PHLPP1: variants seen among roughly 807,000 people sequenced by gnomAD.
PHLPP1 encodes PH domain and leucine rich repeat protein phosphatase 1.
PHLPP1 carries 42 observed loss-of-function variants against 117.2 expected under a neutral mutation model. That is an observed-to-expected ratio of 0.36 (90% confidence interval 0.28 to 0.46). PHLPP1 has a LOEUF of 0.46. Ranked by LOEUF, PHLPP1 falls within the 20% of genes least tolerant of loss-of-function variation. The probability of loss-of-function intolerance (pLI) is 1.00; values close to 1 mark genes in which losing one functional copy is unlikely to be tolerated. For missense variants in PHLPP1, 2,084 were observed against 2,241.9 expected (o/e 0.93, Z 1.42); for synonymous variants, 1,042 against 970.7 (o/e 1.07, Z -1.37).
intron 1 of PHLPP1, among the ~76,000 whole-genome samples, chr18:62,775,827 C>T (rs1912936622): frequency 6.6e-6 from 1 of 152,208 alleles, no homozygotes; most frequent in Non-Finnish European, 1.5e-5. Flanking sequence ...GAAGTTTTCT[C>T]ATGCCACTTT....
At chr18:62,904,470 A>G (rs900333985) in intron 7 of PHLPP1, among the ~76,000 whole-genome samples, 1 of 152,238 alleles carries the variant, frequency 6.6e-6, no homozygotes, top group African/African-American at 2.4e-5. Context: ...CACTAATCCA[A>G]GTTATTGTGA....
chr18:62,834,583 T>TA (rs1914840959), intron 2 of PHLPP1, among the ~76,000 whole-genome samples: 1 of 152,216 alleles, frequency 6.6e-6, no homozygotes, highest in Non-Finnish European at 1.5e-5. Flanking sequence ...CGCAAGATGA[T>TA]ACCAAGTTGT....
At chr18:62,926,933 A>G (rs1171186535) in intron 10 of PHLPP1, among the ~76,000 whole-genome samples, 2 of 152,178 alleles carry the variant, frequency 1.3e-5, no homozygotes, top group African/African-American at 4.8e-5. Context: ...TTTTGTGTCA[A>G]GCGACGGCAG....
chr18:62,755,882 A>G (rs1912001092), intron 1 of PHLPP1, among the ~76,000 whole-genome samples: 2 of 152,096 alleles, frequency 1.3e-5, no homozygotes, highest in Admixed American at 6.5e-5. Flanking sequence ...TTCTGGGGGC[A>G]GTTCTCTTTT....
chr18:62,967,055 G>A (rs1369593417), intron 14 of PHLPP1, among the ~76,000 whole-genome samples: 4 of 152,058 alleles, frequency 2.6e-5, no homozygotes, highest in African/African-American at 7.2e-5. Context: ...TCAGTAGTTC[G>A]TTTCTTTTCA....
Position 62,979,072 on chromosome 18 carries a change from G to A in PHLPP1, c.4795G>A (p.Ala1599Thr), listed in dbSNP as rs748525863. ...CAGTGATGAGGGCATTGTCATCAGCGCCAACGAGGATGAGCCAGGTCTGCC... is the reference window on the plus strand; with the variant it reads ...CAGTGATGAGGGCATTGTCATCAGCACCAACGAGGATGAGCCAGGTCTGCC... ...EASDEGIVIS[A>T]NEDEPGLPRK... Residue 1599 changes from alanine (A) to threonine (T), a missense_variant, in exon 17 of 17, where the codon GCC (alanine) becomes ACC (threonine). Ala to Thr is a moderately conservative substitution (Grantham distance 58). This residue lies in a region of PHLPP1 where 1,365 missense variants were observed against 1,605.9 expected (regional missense o/e 0.85). Coordinates refer to ENST00000262719, the MANE Select transcript of PHLPP1 (RefSeq NM_194449.4). 45 of 1,613,712 alleles carry A rather than the reference G, an allele frequency of 2.8e-5. No individual in the cohort carries two copies. The highest frequency in any genetic ancestry group is 3.5e-5 in the Non-Finnish European group (41 of 1,179,840).
In PHLPP1 at chr18:62,972,559, C is replaced by T. The variant is rs367790625; in HGVS notation, c.3606C>T (p.Arg1202=). ...ALSVNNFCDN[R]EALYGVFDGD... Reference sequence around the variant, plus strand: ...CGGTGAATAACTTCTGTGACAACCGCGAAGCCCTGTATGGTGTGTTTGACG... The same window carrying T: ...CGGTGAATAACTTCTGTGACAACCGTGAAGCCCTGTATGGTGTGTTTGACG... Residue 1202 remains arginine (R), a synonymous_variant, in exon 15 of 17, where the codon CGC becomes CGT. Transcript: ENST00000262719. The T allele has an allele frequency of 1.4e-5, 23 of 1,613,408 alleles. No homozygotes were observed. Among genetic ancestry groups the T allele is most frequent in the East Asian group, 1.3e-4 (6 of 44,898 alleles).
At chr18:62,783,389 A>G (rs1255116015) in intron 1 of PHLPP1, among the ~76,000 whole-genome samples, 1 of 151,862 alleles carries the variant, frequency 6.6e-6, no homozygotes, top group African/African-American at 2.4e-5. Context: ...CACCATGTCT[A>G]GCTAACTTTT....
At chr18:62,824,631 TAATA>T (rs751286150) in intron 1 of PHLPP1, among the ~76,000 whole-genome samples, 16 of 152,308 alleles carry the variant, frequency 1.1e-4, no homozygotes, top group South Asian at 2.1e-4. Context: ...TTTTATACAT[TAATA>T]AATCTGTAAA....
At chr18:62,778,916 C>T (rs1048026613) in intron 1 of PHLPP1, among the ~76,000 whole-genome samples, 1 of 152,194 alleles carries the variant, frequency 6.6e-6, no homozygotes, top group Non-Finnish European at 1.5e-5. Flanking sequence ...TTCTTTGGTC[C>T]CACAAGGTTA....
intron 4 of PHLPP1, among the ~76,000 whole-genome samples, chr18:62,879,507 G>C (rs1301185373): frequency 6.6e-6 from 1 of 152,028 alleles, no homozygotes; most frequent in Non-Finnish European, 1.5e-5. Context: ...CGCCTCCTGG[G>C]TTCAAGCGAT....
At chr18:62,900,046 C>CA (rs755482063) in intron 6 of PHLPP1, among the ~76,000 whole-genome samples, 1 of 152,080 alleles carries the variant, frequency 6.6e-6, no homozygotes, top group Non-Finnish European at 1.5e-5. Flanking sequence ...CCTGTAATCT[C>CA]AGCACTTTGG....
chr18:62,722,613 A>G (rs1253365656), intron 1 of PHLPP1, among the ~76,000 whole-genome samples: 1 of 152,094 alleles, frequency 6.6e-6, no homozygotes, highest in African/African-American at 2.4e-5. Context: ...CTGTGATTCT[A>G]CGGCAAACCC....
chr18:62,976,471 G>A (rs557600895), intron 16 of PHLPP1, among the ~76,000 whole-genome samples: 5 of 152,332 alleles, frequency 3.3e-5, no homozygotes, highest in East Asian at 1.9e-4. Context: ...GAAGTCTGAC[G>A]TGCAAACCAT....
intron 2 of PHLPP1, among the ~76,000 whole-genome samples, chr18:62,833,354 G>A (rs1213227019): frequency 6.6e-6 from 1 of 152,198 alleles, no homozygotes; most frequent in Non-Finnish European, 1.5e-5. Flanking sequence ...GATTACAGGC[G>A]TGAGCCACCA....
chr18:62,815,602 G>C (rs1013322492), intron 1 of PHLPP1, among the ~76,000 whole-genome samples: 3 of 152,160 alleles, frequency 2.0e-5, no homozygotes, highest in African/African-American at 7.2e-5. Flanking sequence ...AGGGCAGCTG[G>C]CTTCCCCAGA....
chr18:62,917,623 C>T (rs1909330018), intron 9 of PHLPP1, among the ~76,000 whole-genome samples: 1 of 151,840 alleles, frequency 6.6e-6, no homozygotes, highest in Non-Finnish European at 1.5e-5. Flanking sequence ...CAAGACCAGC[C>T]TGGGCAACAC....
chr18:62,943,939 TATG>T (rs746695634), intron 11 of PHLPP1, among the ~76,000 whole-genome samples: 8 of 152,236 alleles, frequency 5.3e-5, no homozygotes, highest in Non-Finnish European at 1.2e-4. Context: ...ACTGGATGTA[TATG>T]ATATTAAAAG....
chr18:62,748,717 C>T (rs1388448873), intron 1 of PHLPP1, among the ~76,000 whole-genome samples: 2 of 151,904 alleles, frequency 1.3e-5, no homozygotes, highest in Admixed American at 1.3e-4. Context: ...CCTTTATGGT[C>T]TTACTATATT....
Sources: allele counts gnomAD v4.1 joint callset (sites outside exome capture counted in the v4.1 genomes callset), GRCh38; gene constraint gnomAD v4.1.1; regional missense constraint gnomAD v4.1.1; transcripts MANE v1.5; gene names NCBI Gene and HGNC (gene_info 2026-07-23, HGNC 2026-07-21).